FYB1: variants seen among roughly 807,000 people sequenced by gnomAD.
FYB1 encodes FYN binding protein 1.
A neutral mutation model predicts 94.1 loss-of-function variants in FYB1; 41 were observed. That is an observed-to-expected ratio of 0.44 (90% CI 0.34 to 0.57). The LOEUF is 0.57. Ranked by LOEUF, FYB1 falls within the 20% of genes least tolerant of loss-of-function variation. FYB1 has a pLI of 0.02. For synonymous variants in FYB1, 367 were observed against 353.2 expected, an observed-to-expected ratio of 1.04 and a Z score of -0.44; for missense variants, 1,050 against 976.8, an observed-to-expected ratio of 1.07 and a Z score of -1.00.
At chr5:39,130,245 G>T (rs954570645) in intron 10 of FYB1, among the ~76,000 whole-genome samples, 2 of 152,048 alleles carry the variant, frequency 1.3e-5, no homozygotes, top group African/African-American at 4.8e-5. Flanking sequence ...GTTACCAGAG[G>T]CTGAGAGGGA....
chr5:39,273,639 A>G (rs1752723620), intron 1 of FYB1, among the ~76,000 whole-genome samples: 1 of 152,224 alleles, frequency 6.6e-6, no homozygotes, highest in African/African-American at 2.4e-5. Flanking sequence ...AAAATAAGTT[A>G]TAATTCTTTA....
At chr5:39,183,077 CA>C (rs1746405888) in intron 2 of FYB1, among the ~76,000 whole-genome samples, 1 of 152,058 alleles carries the variant, frequency 6.6e-6, no homozygotes, top group Non-Finnish European at 1.5e-5. Flanking sequence ...GGCTGGAGTG[CA>C]AAGGCGTGAT....
At chr5:39,259,522 C>T (rs1752127927) in intron 1 of FYB1, among the ~76,000 whole-genome samples, 1 of 152,126 alleles carries the variant, frequency 6.6e-6, no homozygotes, top group Non-Finnish European at 1.5e-5. Context: ...AACTAACCAA[C>T]CGATCAACAA....
chr5:39,109,742 G>A (rs1193485607), intron 17 of FYB1, among the ~76,000 whole-genome samples: 1 of 152,012 alleles, frequency 6.6e-6, no homozygotes, highest in Non-Finnish European at 1.5e-5. Context: ...TGGGTTACTT[G>A]GGACAGAATC....
chr5:39,173,946 G>A (rs1745480556), intron 2 of FYB1, among the ~76,000 whole-genome samples: 1 of 151,954 alleles, frequency 6.6e-6, no homozygotes, highest in Non-Finnish European at 1.5e-5. Context: ...GATTCCAGAT[G>A]AATTTTAGAA....
At chr5:39,216,256 T>G in intron 1 of FYB1, among the ~76,000 whole-genome samples, 1 of 152,196 alleles carries the variant, frequency 6.6e-6, no homozygotes, top group Non-Finnish European at 1.5e-5. Context: ...TAAACTTTTT[T>G]CGTGTGTGTG....
At chr5:39,259,376 G>A (rs1256243382) in intron 1 of FYB1, among the ~76,000 whole-genome samples, 1 of 152,214 alleles carries the variant, frequency 6.6e-6, no homozygotes, top group Non-Finnish European at 1.5e-5. Context: ...ACGAGTATGC[G>A]AAATGTCCAG....
chr5:39,152,647 C>T (rs1743345760), intron 3 of FYB1, among the ~76,000 whole-genome samples: 1 of 152,202 alleles, frequency 6.6e-6, no homozygotes, highest in Non-Finnish European at 1.5e-5. Flanking sequence ...CAACCTGCCA[C>T]TCGCTTTTTC....
At chr5:39,118,037 C>T (rs1739734161) in intron 16 of FYB1, among the ~76,000 whole-genome samples, 1 of 151,928 alleles carries the variant, frequency 6.6e-6, no homozygotes, top group Non-Finnish European at 1.5e-5. Flanking sequence ...GTAGCTGGGA[C>T]TACAAGGCGC....
Position 39,107,428 on chromosome 5 carries a change from G to A in FYB1, c.*15C>T. ...TGGCACCTAATGAACACAGCAGAAT[G>A]ACCAAAGTTGAGTGCTAGTCATTGT... On this transcript the variant is annotated 3_prime_UTR_variant, in exon 19 of 19. Transcript: ENST00000512982. 1 of 1,527,026 alleles carries A rather than the reference G, an allele frequency of 6.5e-7. No individual in the cohort carries two copies. Among genetic ancestry groups the A allele is most frequent in the Non-Finnish European group, 8.8e-7 (1 of 1,132,506 alleles). The allele number at this position is 1,527,026 out of a possible 1,614,324, so 94.6% of individuals were successfully genotyped here. A position where few individuals can be genotyped will look rare whatever the true frequency, so the allele number is the denominator to read the frequency against.
In FYB1 at chr5:39,134,434, C is replaced by A. The variant is rs1436464348; in HGVS notation, c.1676-85G>T. The A allele has an allele frequency of 6.1e-6, 7 of 1,151,568 alleles. 1 individual carries two copies. The South Asian group carries it at 1.2e-4, about 19-fold the overall frequency. The allele number at this position is 1,151,568 out of a possible 1,614,324, so 71.3% of individuals were successfully genotyped here. A position where few individuals can be genotyped will look rare whatever the true frequency, so the allele number is the denominator to read the frequency against. ...GAATAAAATATCAATTGCACATTTG[C>A]TCTTTAAACTTTCCCCTGATTTATT... is the stretch of plus-strand genomic sequence containing the variant. On this transcript the variant is annotated intron_variant, in intron 8 of 18. Transcript: ENST00000512982.
upstream of FYB1, among the ~76,000 whole-genome samples, chr5:39,223,487 T>C (rs1374756336): frequency 6.6e-6 from 1 of 152,214 alleles, no homozygotes; most frequent in Non-Finnish European, 1.5e-5. Context: ...CCTTCATAAA[T>C]TACAGGGAAA....
chr5:39,137,857 A>C, intron 6 of FYB1, 137 bp from the exon 7 acceptor site: 1 of 1,104,132 alleles, frequency 9.1e-7, no homozygotes, highest in African/African-American at 1.6e-5. Flanking sequence ...AAAGGTTGTC[A>C]AAATCCGGAA....
intron 2 of FYB1, among the ~76,000 whole-genome samples, chr5:39,168,246 T>C (rs1744919897): frequency 6.6e-6 from 1 of 152,220 alleles, no homozygotes; most frequent in African/African-American, 2.4e-5. Context: ...TGCTATATTA[T>C]CATGTCATGT....
intron 1 of FYB1, 80 bp from the exon 2 acceptor site, chr5:39,203,067 T>C (rs1748523383): frequency 7.8e-7 from 1 of 1,285,774 alleles, no homozygotes; most frequent in Middle Eastern, 2.8e-4. Context: ...CTTACAGAGC[T>C]TCCTGGTTTG....
chr5:39,128,325 T>C (rs1561144823), intron 10 of FYB1, among the ~76,000 whole-genome samples: 1 of 152,180 alleles, frequency 6.6e-6, no homozygotes, highest in African/African-American at 2.4e-5. Flanking sequence ...TATTCTATGC[T>C]CTTCAGGAAA....
At chr5:39,264,727 G>C (rs1752356066) in intron 1 of FYB1, among the ~76,000 whole-genome samples, 1 of 152,102 alleles carries the variant, frequency 6.6e-6, no homozygotes, top group African/African-American at 2.4e-5. Context: ...TCAAGTTTCA[G>C]TTTCATTGGT....
At chr5:39,189,338 C>T (rs374146208) in intron 2 of FYB1, among the ~76,000 whole-genome samples, 4 of 151,564 alleles carry the variant, frequency 2.6e-5, no homozygotes, top group Non-Finnish European at 4.4e-5. Context: ...ACTCAGTTTC[C>T]GTACTTGCAT....
At chr5:39,176,513 A>G (rs1032998866) in intron 2 of FYB1, among the ~76,000 whole-genome samples, 6 of 152,282 alleles carry the variant, frequency 3.9e-5, no homozygotes, top group South Asian at 2.1e-4. Context: ...TGCTATTACA[A>G]TCATTAACAA....
Sources: gnomAD v4.1 joint callset for allele counts (sites outside exome capture counted in the v4.1 genomes callset) on GRCh38, gnomAD v4.1.1 for gene constraint, MANE v1.5 for transcripts, NCBI Gene and HGNC (gene_info 2026-07-23, HGNC 2026-07-21) for gene names.